Variants in SPAG17 observed in about 807,000 individuals in gnomAD.
SPAG17 encodes the protein sperm-associated antigen 17.
In SPAG17, 169 loss-of-function variants were observed where a neutral mutation model predicts 273.6. The ratio of observed to expected loss-of-function variants is 0.62; its 90% CI spans 0.55 to 0.70. SPAG17 has a LOEUF of 0.70. SPAG17 is among the 30% of genes least tolerant of loss of function. SPAG17 has a pLI of 0.00. For missense variants in SPAG17, 2,557 were observed against 2,627.8 expected, an observed-to-expected ratio of 0.97 and a Z score of 0.59; for synonymous variants, 825 against 873.2, an observed-to-expected ratio of 0.94 and a Z score of 0.97.
chr1:118,148,357 GA>G (rs1659173557), intron 3 of SPAG17, among the ~76,000 whole-genome samples: 1 of 152,118 alleles, frequency 6.6e-6, no homozygotes, highest in South Asian at 2.1e-4. Flanking sequence ...CACAAAGAGC[GA>G]AAAAACAAAT....
intron 1 of SPAG17, among the ~76,000 whole-genome samples, chr1:118,170,797 T>G (rs1156451070): frequency 3.9e-5 from 6 of 152,178 alleles, no homozygotes; most frequent in Non-Finnish European, 8.8e-5. Flanking sequence ...CTCCTTTATG[T>G]GCCTATACAG....
intron 32 of SPAG17, among the ~76,000 whole-genome samples, chr1:117,998,381 A>G (rs1657896059): frequency 6.6e-6 from 1 of 151,968 alleles, no homozygotes; most frequent in Non-Finnish European, 1.5e-5. Flanking sequence ...GCAACTTTAT[A>G]TCTGGGCTCT....
intron 43 of SPAG17, among the ~76,000 whole-genome samples, chr1:117,979,234 G>A (rs981542522): frequency 5.3e-5 from 8 of 151,990 alleles, no homozygotes; most frequent in Non-Finnish European, 1.0e-4. Context: ...TCTAGAGTTC[G>A]CCTCAGGACA....
At chr1:117,955,047 A>T (rs1184482657) in intron 48 of SPAG17, 9 of 408,734 alleles carry the variant, frequency 2.2e-5, no homozygotes, top group Non-Finnish European at 3.9e-5. Flanking sequence ...ATTTTATTGC[A>T]TGTCTCATCA....
chr1:118,048,864 C>G (rs965194737), intron 20 of SPAG17, among the ~76,000 whole-genome samples: 1 of 151,984 alleles, frequency 6.6e-6, no homozygotes, highest in Non-Finnish European at 1.5e-5. Flanking sequence ...CCACTGCACT[C>G]CAGCCTGGGC....
chr1:118,092,152 G>A, intron 8 of SPAG17, 150 bp from the exon 9 acceptor site: 3 of 696,684 alleles, frequency 4.3e-6, no homozygotes, highest in Admixed American at 2.7e-5. Context: ...AGAACCAAAG[G>A]AAAAGAGTTT....
At position 117,984,694 on chromosome 1, in the gene SPAG17, AT is replaced by A. The variant is rs1428218819; in HGVS notation, c.5757del (p.Leu1919PhefsTer39). ...TTATATTCAATTACCTGAGACTGAT[AT>A]AACTGGTTCAATTCAGATTTAAAAA... ...PPFFKSELNQ[L>X]YQSQYNHLDS... On this transcript the variant is annotated frameshift_variant, in exon 41 of 49. Transcript: ENST00000336338. LOFTEE classifies it high-confidence loss of function. The A allele has an allele frequency of 2.5e-6, 4 of 1,595,740 alleles. No homozygotes were observed. The highest frequency in any genetic ancestry group is 3.4e-6 in the Non-Finnish European group (4 of 1,164,368).
At chr1:118,165,959 C>T (rs1403159102) in intron 1 of SPAG17, among the ~76,000 whole-genome samples, 1 of 152,124 alleles carries the variant, frequency 6.6e-6, no homozygotes, top group Non-Finnish European at 1.5e-5. Flanking sequence ...TTTCTTTTTA[C>T]CTAGCATCCT....
At chr1:118,120,415 T>C (rs1273668778) in intron 3 of SPAG17, among the ~76,000 whole-genome samples, 3 of 152,222 alleles carry the variant, frequency 2.0e-5, no homozygotes, top group Non-Finnish European at 2.9e-5. Flanking sequence ...TGAAATATAG[T>C]ATTTCATTTA....
chr1:118,171,677 T>G (rs1660425057), intron 1 of SPAG17, among the ~76,000 whole-genome samples: 1 of 152,168 alleles, frequency 6.6e-6, no homozygotes, highest in African/African-American at 2.4e-5. Context: ...GTTTAAGTAT[T>G]AATAGAAAAA....
chr1:118,169,489 T>C (rs1363307639), intron 1 of SPAG17, among the ~76,000 whole-genome samples: 1 of 152,182 alleles, frequency 6.6e-6, no homozygotes, highest in African/African-American at 2.4e-5. Flanking sequence ...TTCCAGTAAG[T>C]CTTAAATACA....
At chr1:117,959,154 A>G (rs1652660030) in intron 48 of SPAG17, 4 of 1,355,722 alleles carry the variant, frequency 3.0e-6, no homozygotes, top group Non-Finnish European at 3.0e-6. Flanking sequence ...AGGAATAGAA[A>G]AAACAAACAA....
In SPAG17 at chr1:117,980,021, A is replaced by G. The variant is rs1047733844; in HGVS notation, c.6004+1249T>C. Among the ~76,000 whole-genome samples, 4 of 152,238 alleles carry G rather than the reference A, an allele frequency of 2.6e-5. No individual in the cohort carries two copies. In the South Asian group the frequency reaches 8.3e-4, roughly 32 times the overall value. ...TACATATTGTCTAGGTTTGCCCATA[A>G]TATGGGAGGGGTCTAGCTCCATCAG... On this transcript the variant is annotated intron_variant, in intron 43 of 48. Transcript: ENST00000336338.
At chr1:118,161,567 T>A (rs1234791815) in intron 1 of SPAG17, among the ~76,000 whole-genome samples, 1 of 152,196 alleles carries the variant, frequency 6.6e-6, no homozygotes, top group East Asian at 1.9e-4. Flanking sequence ...AGACGTAGTC[T>A]CGCTCTGTCG....
chr1:118,025,075 T>A lies in SPAG17; in HGVS notation c.3909+163A>T, dbSNP rs570377460. On this transcript the variant is annotated intron_variant, in intron 27 of 48. Coordinates refer to ENST00000336338, the MANE Select transcript of SPAG17 (RefSeq NM_206996.4). ...TATTTGTATCCTGCTCTGCATATAG[T>A]GTTTTTTAATTCTAACTATATTATT... Among the ~76,000 whole-genome samples, 4 of 152,342 alleles carry A rather than the reference T, an allele frequency of 2.6e-5. No individual in the cohort carries two copies. The East Asian group carries it at 7.7e-4, about 29-fold the overall frequency.
At chr1:118,076,126 T>C (rs997597374) in intron 15 of SPAG17, among the ~76,000 whole-genome samples, 17 of 152,036 alleles carry the variant, frequency 1.1e-4, no homozygotes, top group Non-Finnish European at 1.9e-4. Context: ...ACATCATATA[T>C]TAAACGTGGA....
chr1:117,983,175 G>A (rs571649847), intron 42 of SPAG17, among the ~76,000 whole-genome samples: 2 of 152,350 alleles, frequency 1.3e-5, no homozygotes, highest in African/African-American at 2.4e-5. Flanking sequence ...AAAATAGAGA[G>A]CGAGCTTGTG....
Position 118,018,782 on chromosome 1 carries a change from T to C in SPAG17, c.4070-2600A>G, listed in dbSNP as rs111804940. On this transcript the variant is annotated intron_variant, in intron 28 of 48. Coordinates refer to ENST00000336338, the MANE Select transcript of SPAG17 (RefSeq NM_206996.4). ...AAAAGAATATAAAGGATATTGTCAA[T>C]GTACTGAGAGAAAATATCTGTAAGC... Among the ~76,000 whole-genome samples, 799 of 152,214 alleles carry C rather than the reference T, an allele frequency of 5.2e-3. 8 individuals are homozygous for C. Among genetic ancestry groups the C allele is most frequent in the African/African-American group, 0.011 (470 of 41,528 alleles).
At chr1:118,158,116 G>A (rs569155747) in intron 1 of SPAG17, among the ~76,000 whole-genome samples, 68 of 152,160 alleles carry the variant, frequency 4.5e-4, no homozygotes, top group Non-Finnish European at 7.2e-4. Flanking sequence ...TGGGTCCTTG[G>A]AAGAGAGGGC....
Sources: allele counts gnomAD v4.1 joint callset (sites outside exome capture counted in the v4.1 genomes callset), GRCh38; gene constraint gnomAD v4.1.1; transcripts MANE v1.5; gene names NCBI Gene and HGNC (gene_info 2026-07-23, HGNC 2026-07-21).